ZNF341: variants seen among roughly 807,000 people sequenced by gnomAD.
ZNF341 encodes zinc finger protein 341.
A neutral mutation model predicts 87.7 loss-of-function variants in ZNF341; 52 were observed. That is an observed-to-expected ratio of 0.59 (90% CI 0.47 to 0.75). The LOEUF (loss-of-function observed/expected upper bound fraction) is 0.75, where lower values mean the gene tolerates loss of function less well. ZNF341 is among the 30% of genes least tolerant of loss of function. The pLI is 0.00. For missense variants in ZNF341, 977 were observed against 1,145.9 expected (o/e 0.85, Z 2.13); for synonymous variants, 459 against 472.7 (o/e 0.97, Z 0.38).
In ZNF341 at chr20:33,791,742, G is replaced by A; in HGVS notation, c.*225G>A. 2 of 507,148 alleles carry A rather than the reference G, an allele frequency of 3.9e-6. No homozygotes were observed. Among genetic ancestry groups the A allele is most frequent in the Admixed American group, 3.3e-5 (1 of 30,276 alleles). 31.4% of individuals were successfully genotyped at this position (507,148 alleles called of 1,614,324 possible). A position where few individuals can be genotyped will look rare whatever the true frequency, so the allele number is the denominator to read the frequency against. ...TAGGGTTGGGGGCAGGGCCATCCAC[G>A]GTTTCTGGGCAGAGCCATGGTGGCA... On this transcript the variant is annotated 3_prime_UTR_variant, in exon 15 of 15. Coordinates refer to ENST00000375200, the MANE Select transcript of ZNF341 (RefSeq NM_001282933.2).
intron 8 of ZNF341, among the ~76,000 whole-genome samples, chr20:33,764,454 A>T (rs1259477254): frequency 6.8e-6 from 1 of 147,030 alleles, no homozygotes; most frequent in East Asian, 2.0e-4. Flanking sequence ...AATTTTAATT[A>T]TATATCTTAT....
At position 33,748,830 on chromosome 20, in the gene ZNF341, C is replaced by G. The variant is rs561564478; in HGVS notation, c.340-93C>G. The stretch of plus-strand genomic sequence containing the variant: ...CCATGCCCTCGGCTTACTTACAGAG[C>G]CTGACATGTCCACACATGCACACAC... On this transcript the variant is annotated intron_variant, in intron 3 of 14. Coordinates refer to ENST00000375200, the MANE Select transcript of ZNF341 (RefSeq NM_001282933.2). 4.8e-4 allele frequency: 622 copies of G among 1,303,180 alleles called. 2 individuals are homozygous for G. In the African/African-American group the frequency reaches 8.1e-3, roughly 17 times the overall value. The allele number at this position is 1,303,180 out of a possible 1,614,324, so 80.7% of individuals were successfully genotyped here. A position where few individuals can be genotyped will look rare whatever the true frequency, so the allele number is the denominator to read the frequency against.
chr20:33,734,203 C>T (rs918331174), intron 1 of ZNF341, among the ~76,000 whole-genome samples: 2 of 152,170 alleles, frequency 1.3e-5, no homozygotes, highest in Non-Finnish European at 2.9e-5. Context: ...ATTTTCAAAG[C>T]CCTGGGGAGA....
intron 13 of ZNF341, 133 bp downstream of exon 13, chr20:33,789,107 A>T (rs1466435019): frequency 1.5e-6 from 1 of 648,424 alleles, no homozygotes; most frequent in Non-Finnish European, 2.6e-6. Context: ...ACATAGTCTC[A>T]CTCTGTCATC....
chr20:33,766,808 A>G, intron 8 of ZNF341, 43 bp from the exon 9 acceptor site: 9 of 1,555,114 alleles, frequency 5.8e-6, no homozygotes, highest in Non-Finnish European at 6.9e-6. Context: ...TCCTTCCTGA[A>G]TGGGCCGGCT....
chr20:33,788,995 AG>A (rs755988232), intron 13 of ZNF341, 21 bp downstream of exon 13: 36 of 1,362,320 alleles, frequency 2.6e-5, no homozygotes, highest in Non-Finnish European at 3.5e-5. Flanking sequence ...ACTGCCATGC[AG>A]GGGGGTGGGT....
chr20:33,744,202 G>T (rs2018868265), intron 2 of ZNF341, among the ~76,000 whole-genome samples: 1 of 151,756 alleles, frequency 6.6e-6, no homozygotes, highest in African/African-American at 2.4e-5. Flanking sequence ...AGAATCGCAT[G>T]AATATGGGAG....
intron 4 of ZNF341, chr20:33,752,379 CCTT>C (rs2019077674): frequency 1.6e-6 from 1 of 630,546 alleles, no homozygotes; most frequent in African/African-American, 1.8e-5. Flanking sequence ...GTTCCCATCT[CCTT>C]CATGGCAAGT....
intron 7 of ZNF341, 109 bp downstream of exon 7, chr20:33,758,915 T>C (rs1414950512): frequency 3.4e-6 from 3 of 893,936 alleles, no homozygotes; most frequent in Non-Finnish European, 5.4e-6. Context: ...TGACCCAGGC[T>C]GCACTTGCAT....
chr20:33,738,795 T>C (rs904687785), intron 1 of ZNF341, among the ~76,000 whole-genome samples: 5 of 152,088 alleles, frequency 3.3e-5, no homozygotes, highest in African/African-American at 1.2e-4. Context: ...TGTGTAGCTG[T>C]GGATGGTTCC....
chr20:33,751,051 A>T (rs1447878547), intron 4 of ZNF341, among the ~76,000 whole-genome samples: 1 of 152,184 alleles, frequency 6.6e-6, no homozygotes, highest in Non-Finnish European at 1.5e-5. Flanking sequence ...CTGGGATTAC[A>T]GGTGTGAGCC....
At chr20:33,774,256 C>T (rs1388237380) in intron 10 of ZNF341, among the ~76,000 whole-genome samples, 1 of 152,036 alleles carries the variant, frequency 6.6e-6, no homozygotes, top group Admixed American at 6.6e-5. Context: ...TGTGCCACTG[C>T]ACTCCATCCA....
intron 8 of ZNF341, among the ~76,000 whole-genome samples, chr20:33,764,517 G>A (rs1282509266): frequency 5.2e-5 from 6 of 116,186 alleles, no homozygotes; most frequent in South Asian, 3.0e-4. Context: ...ATATATATAT[G>A]TATATATATG....
At chr20:33,744,947 A>G (rs2018884399) in intron 2 of ZNF341, among the ~76,000 whole-genome samples, 156 bp from the exon 3 acceptor site, 1 of 152,158 alleles carries the variant, frequency 6.6e-6, no homozygotes, top group Non-Finnish European at 1.5e-5. Context: ...TGACACCTGC[A>G]TGTCAAGTCG....
intron 14 of ZNF341, 83 bp from the exon 15 acceptor site, chr20:33,790,905 A>G (rs2019999263): frequency 2.0e-6 from 3 of 1,476,032 alleles, no homozygotes; most frequent in African/African-American, 1.4e-5. Flanking sequence ...GTGGGGAAAG[A>G]GCCTGGATTT....
intron 9 of ZNF341, 53 bp downstream of exon 9, chr20:33,767,094 C>T: frequency 3.2e-6 from 5 of 1,569,896 alleles, no homozygotes; most frequent in Non-Finnish European, 4.3e-6. Context: ...AAACCTTTCA[C>T]TGGTGCTAGG....
chr20:33,748,876 ACT>A lies in ZNF341; in HGVS notation c.340-44_340-43del, dbSNP rs766631136. ...CACACGCACACATGAGCACACACAC[ACT>A]CTGTCTCTCTCCGTCTCACTCATTC... On this transcript the variant is annotated intron_variant, in intron 3 of 14. Transcript: ENST00000375200. 3.8e-6 allele frequency: 6 copies of A among 1,562,132 alleles called. No homozygotes were observed. In the South Asian group the frequency reaches 5.9e-5, roughly 15 times the overall value.
At chr20:33,734,397 G>C (rs892484605) in intron 1 of ZNF341, among the ~76,000 whole-genome samples, 4 of 152,204 alleles carry the variant, frequency 2.6e-5, no homozygotes, top group Non-Finnish European at 5.9e-5. Context: ...AGACTGGAGG[G>C]GGCCAGAGTG....
intron 1 of ZNF341, among the ~76,000 whole-genome samples, chr20:33,740,534 TG>T (rs1206839409): frequency 6.6e-6 from 1 of 152,194 alleles, no homozygotes; most frequent in African/African-American, 2.4e-5. Flanking sequence ...GGTCTTGCTC[TG>T]TCAAGAGCAA....
Sources: gnomAD v4.1 joint callset for allele counts (sites outside exome capture counted in the v4.1 genomes callset) on GRCh38, gnomAD v4.1.1 for gene constraint, MANE v1.5 for transcripts, NCBI Gene and HGNC (gene_info 2026-07-23, HGNC 2026-07-21) for gene names.